The following HECW1 variants were observed in gnomAD, a reference collection of about 807,000 sequenced individuals.
The protein encoded by HECW1 is E3 ubiquitin-protein ligase HECW1.
HECW1 carries 61 observed loss-of-function variants against 182.3 expected under a neutral mutation model. The ratio of observed to expected loss-of-function variants is 0.33; its 90% CI spans 0.27 to 0.41. HECW1 has a LOEUF of 0.41. Ranked by LOEUF, HECW1 falls within the 10% of genes least tolerant of loss-of-function variation. The pLI, the probability that HECW1 is intolerant of heterozygous loss-of-function variation, is 1.00. For missense variants in HECW1, 1,739 were observed against 2,108.9 expected, an observed-to-expected ratio of 0.82 and a Z score of 3.44; for synonymous variants, 859 against 832.6, an observed-to-expected ratio of 1.03 and a Z score of -0.55.
Position 43,426,191 on chromosome 7 carries a change from A to T in HECW1, c.802-11812A>T, listed in dbSNP as rs1347288220. ...AAAGTGCCAAATCTGAGGTCACAGA[A>T]CATCCTTTTACATCTGTTTATATAT... On this transcript the variant is annotated intron_variant, in intron 8 of 29. Coordinates refer to ENST00000395891, the MANE Select transcript of HECW1 (RefSeq NM_015052.5). Among the ~76,000 whole-genome samples the T allele has an allele frequency of 2.0e-5, 3 of 152,322 alleles. No homozygotes were observed. The East Asian group carries it at 5.8e-4, about 29-fold the overall frequency.
At chr7:43,364,080 A>G (rs1816310727) in intron 6 of HECW1, among the ~76,000 whole-genome samples, 1 of 152,198 alleles carries the variant, frequency 6.6e-6, no homozygotes. Flanking sequence ...TCTCTTATGA[A>G]GAGTTGCTGT....
chr7:43,552,489 C>A (rs183529673), intron 28 of HECW1, among the ~76,000 whole-genome samples, 153 bp downstream of exon 28: 124 of 152,288 alleles, frequency 8.1e-4, no homozygotes, highest in African/African-American at 2.9e-3. Flanking sequence ...TTTGTGCAAC[C>A]ATTGCCTCTA....
At chr7:43,277,380 C>T (rs952800539) in intron 3 of HECW1, among the ~76,000 whole-genome samples, 1 of 152,018 alleles carries the variant, frequency 6.6e-6, no homozygotes, top group Non-Finnish European at 1.5e-5. Flanking sequence ...GTTGTTGTTC[C>T]GTTTGGTTTT....
At chr7:43,214,755 C>T (rs1023987776) in intron 2 of HECW1, among the ~76,000 whole-genome samples, 7 of 152,192 alleles carry the variant, frequency 4.6e-5, no homozygotes, top group African/African-American at 1.2e-4. Flanking sequence ...CAGGTGGGCA[C>T]GGGCACTAGC....
At chr7:43,536,137 T>C (rs1477426822) in intron 24 of HECW1, among the ~76,000 whole-genome samples, 1 of 152,128 alleles carries the variant, frequency 6.6e-6, no homozygotes, top group Non-Finnish European at 1.5e-5. Flanking sequence ...TAGAAAGGAT[T>C]TGGTTGTTGT....
At position 43,552,213 on chromosome 7, in the gene HECW1, G is replaced by A. The variant is rs371357329; in HGVS notation, c.4396-9G>A. On this transcript the variant is annotated splice_polypyrimidine_tract_variant and intron_variant, in intron 27 of 29. Coordinates refer to ENST00000395891, the MANE Select transcript of HECW1 (RefSeq NM_015052.5). ...GGACCTGGATGCTGAAGCCTAACCT[G>A]CATTTCAGGTTGTAGACTCGAGGCT... 3.5e-5 allele frequency: 55 copies of A among 1,580,458 alleles called. No homozygotes were observed. The African/African-American group carries it at 7.0e-4, about 20-fold the overall frequency.
intron 6 of HECW1, among the ~76,000 whole-genome samples, chr7:43,386,222 C>T (rs2074790084): frequency 6.6e-6 from 1 of 152,214 alleles, no homozygotes; most frequent in Non-Finnish European, 1.5e-5. Context: ...GTGATTCAGT[C>T]AGCCCCTTAT....
intron 3 of HECW1, chr7:43,258,613 C>T (rs1393603447): frequency 6.6e-6 from 1 of 152,156 alleles, no homozygotes; most frequent in Non-Finnish European, 1.5e-5. Flanking sequence ...CCAGGACAGA[C>T]TTGGAATGTT....
At chr7:43,375,258 G>A (rs1358668002) in intron 6 of HECW1, among the ~76,000 whole-genome samples, 1 of 151,856 alleles carries the variant, frequency 6.6e-6, no homozygotes, top group Non-Finnish European at 1.5e-5. Context: ...TCTCTTCACA[G>A]CACAAAGATG....
chr7:43,457,272 C>T (rs1486303122), intron 13 of HECW1, among the ~76,000 whole-genome samples: 1 of 152,156 alleles, frequency 6.6e-6, no homozygotes, highest in African/African-American at 2.4e-5. Flanking sequence ...GGAATGCAAA[C>T]TGAGGCTTCC....
At chr7:43,124,250 C>T (rs944551687) in intron 2 of HECW1, among the ~76,000 whole-genome samples, 3 of 152,300 alleles carry the variant, frequency 2.0e-5, no homozygotes, top group East Asian at 3.9e-4. Flanking sequence ...AGAGAGTGAA[C>T]GGCTTTGCTT....
At chr7:43,236,616 G>T (rs905892169) in intron 2 of HECW1, among the ~76,000 whole-genome samples, 2 of 152,178 alleles carry the variant, frequency 1.3e-5, no homozygotes, top group Admixed American at 6.6e-5. Context: ...TTGAGTCCTT[G>T]ATCAGCCTTT....
intron 2 of HECW1, among the ~76,000 whole-genome samples, chr7:43,170,509 A>C (rs1391178028): frequency 6.6e-6 from 1 of 152,160 alleles, no homozygotes; most frequent in East Asian, 1.9e-4. Context: ...AAATTAGCTT[A>C]GGCCAAAAGA....
intron 24 of HECW1, among the ~76,000 whole-genome samples, chr7:43,523,919 C>T (rs1201143079): frequency 6.6e-6 from 1 of 152,094 alleles, no homozygotes; most frequent in East Asian, 1.9e-4. Flanking sequence ...GTCCTCCATC[C>T]CTTCTTCCAG....
rs754712178 is a variant in HECW1, at chr7:43,444,971, T to C, written c.1799T>C (p.Leu600Pro). ...AAGGACTCCTCGGAGAAGGATGGGC[T>C]CAGCGAGGTGGACACGGTGGCCGCT... Reference protein sequence around the residue: ...TLKDSSEKDGLSEVDTVAADP... With the variant: ...TLKDSSEKDGPSEVDTVAADP... Residue 600 changes from leucine to proline, a missense_variant, in exon 11 of 30, where the codon CTC (leucine) becomes CCC (proline). Leu to Pro is a moderately conservative substitution (Grantham distance 98). Around this residue, in one of 5 missense-constraint regions of HECW1, gnomAD observed 971 missense variants for 1,029.1 expected, o/e 0.94. Transcript: ENST00000395891. The surrounding 1 kb of genome is among the most constrained non-coding windows in gnomAD (Gnocchi z 4.3). 3 of 1,564,888 alleles carry C rather than the reference T, an allele frequency of 1.9e-6. No homozygotes were observed. In the Admixed American group the frequency reaches 5.4e-5, roughly 28 times the overall value.
intron 2 of HECW1, among the ~76,000 whole-genome samples, chr7:43,188,337 A>G (rs11771586): frequency 0.23 from 34,410 of 152,144 alleles, 4,141 homozygotes; most frequent in Middle Eastern, 0.26. Context: ...GAGCTAAATA[A>G]CTGCTCCTAT....
intron 3 of HECW1, among the ~76,000 whole-genome samples, chr7:43,244,182 G>A (rs567465536): frequency 1.6e-4 from 25 of 152,296 alleles, no homozygotes; most frequent in Admixed American, 1.3e-3. Flanking sequence ...TGATGTGAAC[G>A]TACAGTTGTT....
chr7:43,240,409 G>A (rs553482168), intron 2 of HECW1, among the ~76,000 whole-genome samples: 26 of 152,310 alleles, frequency 1.7e-4, no homozygotes, highest in Non-Finnish European at 3.2e-4. Flanking sequence ...ACCCATGAAT[G>A]ATCTTGACCT....
At chr7:43,217,169 C>G (rs1473088076) in intron 2 of HECW1, among the ~76,000 whole-genome samples, 1 of 151,430 alleles carries the variant, frequency 6.6e-6, no homozygotes, top group African/African-American at 2.5e-5. Context: ...AAAAGCGAGC[C>G]CTTTATCTAA....
Sources: allele counts gnomAD v4.1 joint callset (sites outside exome capture counted in the v4.1 genomes callset), GRCh38; gene constraint gnomAD v4.1.1; regional missense constraint gnomAD v4.1.1; non-coding constraint Gnocchi (gnomAD v3.1); transcripts MANE v1.5; gene names NCBI Gene and HGNC (gene_info 2026-07-23, HGNC 2026-07-21).